Variants in IGSF11 observed in about 807,000 individuals in gnomAD.
The protein encoded by IGSF11 is CXADR like 1.
A neutral mutation model predicts 41.0 loss-of-function variants in IGSF11; 22 were observed. The observed-to-expected ratio is 0.54, with a 90% CI of 0.38 to 0.77. IGSF11 has a LOEUF of 0.77. Ranked by LOEUF, IGSF11 falls within the 30% of genes least tolerant of loss-of-function variation. The probability of loss-of-function intolerance (pLI) is 0.00; values close to 1 mark genes in which losing one functional copy is unlikely to be tolerated. For synonymous variants in IGSF11, 219 were observed against 201.3 expected, an observed-to-expected ratio of 1.09 and a Z score of -0.74; for missense variants, 444 against 530.8, an observed-to-expected ratio of 0.84 and a Z score of 1.61.
At chr3:119,011,336 A>C (rs768402847) in intron 1 of IGSF11, among the ~76,000 whole-genome samples, 8 of 152,160 alleles carry the variant, frequency 5.3e-5, no homozygotes, top group Non-Finnish European at 1.2e-4. Context: ...GTGAGGGAAA[A>C]CCATGGAAAA....
At chr3:118,982,962 T>C (rs1322353006) in intron 1 of IGSF11, among the ~76,000 whole-genome samples, 1 of 152,164 alleles carries the variant, frequency 6.6e-6, no homozygotes, top group African/African-American at 2.4e-5. Flanking sequence ...CATCTCAACA[T>C]GCAGCCTCCA....
intron 1 of IGSF11, among the ~76,000 whole-genome samples, chr3:119,062,165 T>A (rs956127171): frequency 6.6e-6 from 1 of 152,208 alleles, no homozygotes; most frequent in Non-Finnish European, 1.5e-5. Context: ...ATTATTACCA[T>A]TATTAGTAGA....
intron 1 of IGSF11, among the ~76,000 whole-genome samples, chr3:118,946,490 T>C (rs188830065): frequency 3.3e-5 from 5 of 152,102 alleles, no homozygotes; most frequent in African/African-American, 7.2e-5. Context: ...AAGAAATCTT[T>C]TGAGGCCCAA....
intron 1 of IGSF11, among the ~76,000 whole-genome samples, chr3:118,993,083 G>T (rs2107655174): frequency 6.6e-6 from 1 of 152,196 alleles, no homozygotes; most frequent in Middle Eastern, 3.4e-3. Flanking sequence ...AAAATTAGCT[G>T]GGCATGGTGG....
chr3:119,078,705 A>C (rs2076541656), intron 1 of IGSF11, among the ~76,000 whole-genome samples: 1 of 152,178 alleles, frequency 6.6e-6, no homozygotes, highest in Admixed American at 6.5e-5. Context: ...CAAAAAGAAA[A>C]ATTGAAAAAT....
chr3:119,090,043 A>C (rs1233805758), intron 1 of IGSF11, among the ~76,000 whole-genome samples: 2 of 152,296 alleles, frequency 1.3e-5, no homozygotes, highest in East Asian at 1.9e-4. Flanking sequence ...ACAAACCAAA[A>C]AACAAAAAAG....
chr3:119,107,155 A>G (rs2077045909), upstream of IGSF11, among the ~76,000 whole-genome samples: 1 of 152,200 alleles, frequency 6.6e-6, no homozygotes, highest in Non-Finnish European at 1.5e-5. Context: ...TCCCTGAGGA[A>G]TCACCACACT....
At chr3:119,121,048 A>C (rs564187692) in intron 1 of IGSF11, among the ~76,000 whole-genome samples, 13 of 152,330 alleles carry the variant, frequency 8.5e-5, no homozygotes, top group African/African-American at 2.9e-4. Flanking sequence ...AAGAAAAACC[A>C]CAGCCAAAAT....
intron 1 of IGSF11, among the ~76,000 whole-genome samples, chr3:118,982,116 T>TGCG (rs1179309608): frequency 6.6e-6 from 1 of 152,070 alleles, no homozygotes; most frequent in Non-Finnish European, 1.5e-5. Flanking sequence ...TCAAGTTCCC[T>TGCG]GTAAGAGGGA....
intron 1 of IGSF11, among the ~76,000 whole-genome samples, chr3:119,097,605 G>A (rs1313977308): frequency 1.3e-5 from 2 of 152,106 alleles, no homozygotes; most frequent in African/African-American, 4.8e-5. Context: ...AAATCCTCCA[G>A]TTTGGCCTCT....
chr3:118,934,674 G>T (rs1188987033), intron 1 of IGSF11, among the ~76,000 whole-genome samples: 1 of 152,070 alleles, frequency 6.6e-6, no homozygotes, highest in African/African-American at 2.4e-5. Context: ...CTATTCCTTT[G>T]CATGCCCACC....
At chr3:119,117,434 C>T (rs1411563674) in intron 1 of IGSF11, among the ~76,000 whole-genome samples, 2 of 152,144 alleles carry the variant, frequency 1.3e-5, no homozygotes, top group East Asian at 1.9e-4. Context: ...CAGGGAAACA[C>T]CTCTTTTTAA....
intron 1 of IGSF11, among the ~76,000 whole-genome samples, chr3:119,059,087 C>G (rs150616692): frequency 6.8e-6 from 1 of 146,164 alleles, no homozygotes; most frequent in Non-Finnish European, 1.5e-5. Context: ...AACAAACCTG[C>G]ACGTTGTGCA....
intron 1 of IGSF11, among the ~76,000 whole-genome samples, chr3:119,133,467 T>C (rs1413291241): frequency 1.3e-5 from 2 of 152,180 alleles, no homozygotes; most frequent in Non-Finnish European, 2.9e-5. Context: ...CTAGAAAATC[T>C]AGAAGAAATG....
chr3:119,023,009 C>G (rs56076109), intron 1 of IGSF11, among the ~76,000 whole-genome samples: 1,877 of 152,032 alleles, frequency 0.012, 22 homozygotes, highest in Non-Finnish European at 0.019. Context: ...TGCCTGTAAC[C>G]CCCGCACTTT....
chr3:119,002,836 C>T (rs1200914396), intron 1 of IGSF11, among the ~76,000 whole-genome samples: 56 of 67,990 alleles, frequency 8.2e-4, no homozygotes, highest in Non-Finnish European at 1.2e-3. Flanking sequence ...ATCTATATCT[C>T]TGTTTTGGTA....
chr3:119,032,657 C>T (rs1317603741), intron 1 of IGSF11, among the ~76,000 whole-genome samples: 1 of 152,176 alleles, frequency 6.6e-6, no homozygotes, highest in Non-Finnish European at 1.5e-5. Context: ...AAAGCCCATC[C>T]ACTCCCATCT....
rs1940500562 is a variant in IGSF11, at chr3:119,032,498, A to G, written c.52+2033T>C. 2.6e-5 allele frequency among the ~76,000 whole-genome samples: 4 copies of G among 152,188 alleles called. No homozygotes were observed. In the South Asian group the frequency reaches 8.3e-4, roughly 32 times the overall value. Reference sequence around the variant, plus strand: ...CAGCCGAATAAAGCCCAAACGCAGCATTCAAGATTCTCTACTATCTTGCCC... The same window carrying G: ...CAGCCGAATAAAGCCCAAACGCAGCGTTCAAGATTCTCTACTATCTTGCCC... On this transcript the variant is annotated intron_variant, in intron 1 of 6. Transcript: ENST00000393775.
At chr3:119,144,949 G>T (rs931512016) in intron 1 of IGSF11, among the ~76,000 whole-genome samples, 1 of 152,184 alleles carries the variant, frequency 6.6e-6, no homozygotes, top group African/African-American at 2.4e-5. Flanking sequence ...CATAGCCCAA[G>T]ACCTATTTTA....
Sources: allele counts gnomAD v4.1 joint callset (sites outside exome capture counted in the v4.1 genomes callset), GRCh38; gene constraint gnomAD v4.1.1; transcripts MANE v1.5; gene names NCBI Gene and HGNC (gene_info 2026-07-23, HGNC 2026-07-21).